Variants in ZNF469 observed in about 807,000 individuals in gnomAD.
The protein encoded by ZNF469 is zinc finger protein 469.
ZNF469 carries 1 observed loss-of-function variant against 1.0 expected under a neutral mutation model. The observed-to-expected ratio is 1.00, with a 90% CI of 0.35 to 4.73. The LOEUF (loss-of-function observed/expected upper bound fraction) is 4.73, where lower values mean the gene tolerates loss of function less well. Among genes scored for constraint, ZNF469 ranks in the 30% most tolerant of loss-of-function variants. The pLI is 0.16. For missense variants in ZNF469, 6,100 were observed against 5,356.3 expected, an observed-to-expected ratio of 1.14 and a Z score of -4.33; for synonymous variants, 2,703 against 2,363.4, an observed-to-expected ratio of 1.14 and a Z score of -4.17.
chr16:88,280,405 TAGTC>T, the ZNF469 span, among the ~76,000 whole-genome samples: 1 of 151,900 alleles, frequency 6.6e-6, no homozygotes, highest in Admixed American at 6.6e-5. Flanking sequence ...CACCAACGCT[TAGTC>T]AGTACCTTGC....
chr16:88,310,862 G>A, the ZNF469 span, among the ~76,000 whole-genome samples: 1 of 152,080 alleles, frequency 6.6e-6, no homozygotes, highest in Admixed American at 6.5e-5. Flanking sequence ...CGAGAAGATG[G>A]CATAGAGTTT....
chr16:88,397,440 G>A (rs1474525389), intron 1 of ZNF469, among the ~76,000 whole-genome samples: 2 of 151,810 alleles, frequency 1.3e-5, no homozygotes, highest in Non-Finnish European at 2.9e-5. Flanking sequence ...GACTGCTGAG[G>A]AAGGCTGGCT....
chr16:88,405,153 G>T (rs1904992167), intron 1 of ZNF469, among the ~76,000 whole-genome samples: 1 of 152,186 alleles, frequency 6.6e-6, no homozygotes, highest in Non-Finnish European at 1.5e-5. Context: ...AGGAACAGAT[G>T]TCCACACAGA....
the ZNF469 span, among the ~76,000 whole-genome samples, chr16:88,365,534 G>C: frequency 1.3e-5 from 2 of 152,186 alleles, no homozygotes; most frequent in African/African-American, 4.8e-5. Context: ...CCAGGGGCAG[G>C]GCTCTGCTGG....
At chr16:88,404,182 C>G (rs2062548) in intron 1 of ZNF469, among the ~76,000 whole-genome samples, 68,132 of 152,028 alleles carry the variant, frequency 0.45, 15,369 homozygotes, top group Non-Finnish European at 0.48. Context: ...CAGCCCCACA[C>G]CCCCGGCACC....
At chr16:88,299,210 G>C in the ZNF469 span, among the ~76,000 whole-genome samples, 1 of 149,906 alleles carries the variant, frequency 6.7e-6, no homozygotes, top group Admixed American at 6.6e-5. Flanking sequence ...AGGCAGCTTG[G>C]GGTGGGGAGG....
chr16:88,371,103 T>A, the ZNF469 span, among the ~76,000 whole-genome samples: 1 of 152,354 alleles, frequency 6.6e-6, no homozygotes, highest in African/African-American at 2.4e-5. Context: ...CTCCTCTGAA[T>A]CATGAGAAAT....
Position 88,433,904 on chromosome 16 carries a change from G to C in ZNF469, c.6434G>C (p.Gly2145Ala). Residue 2145 changes from glycine (G) to alanine (A), a missense_variant, in exon 3 of 3, where the codon GGG becomes GCG. Coordinates refer to ENST00000565624, the MANE Select transcript of ZNF469 (RefSeq NM_001367624.2). ...ACCTCGCCTTCCAGGGCCCAAGGTG[G>C]GCTGGGGGGGCAGCTGCCAGCATCT... ...PLTSPSRAQG[G>A]LGGQLPASPS... 4 of 1,549,252 alleles carry C rather than the reference G, an allele frequency of 2.6e-6. No homozygotes were observed. Among genetic ancestry groups the C allele is most frequent in the Non-Finnish European group, 2.6e-6 (3 of 1,146,236 alleles).
the ZNF469 span, among the ~76,000 whole-genome samples, chr16:88,173,823 A>G: frequency 2.0e-5 from 3 of 152,206 alleles, no homozygotes; most frequent in Non-Finnish European, 4.4e-5. Context: ...AACATTCAAT[A>G]AAAATTAAAA....
the ZNF469 span, among the ~76,000 whole-genome samples, chr16:88,374,638 A>G: frequency 6.6e-6 from 1 of 152,016 alleles, no homozygotes; most frequent in African/African-American, 2.4e-5. Context: ...TGTGATGGGT[A>G]GGATGTTGTT....
At chr16:88,249,423 CTTTTTCTTTTTTTTT>C in the ZNF469 span, among the ~76,000 whole-genome samples, 4 of 61,754 alleles carry the variant, frequency 6.5e-5, no homozygotes, top group South Asian at 1.5e-3. Flanking sequence ...CTTTCTTTTT[CTTTTTCTTTTTTTTT>C]TTTTTTTTTT....
chr16:88,334,293 G>A, the ZNF469 span, among the ~76,000 whole-genome samples: 1 of 152,182 alleles, frequency 6.6e-6, no homozygotes, highest in Non-Finnish European at 1.5e-5. Flanking sequence ...AAAAAATTCT[G>A]GGGATGGATG....
intron 1 of ZNF469, among the ~76,000 whole-genome samples, chr16:88,415,815 C>G (rs1413858062): frequency 6.6e-6 from 1 of 152,222 alleles, no homozygotes; most frequent in African/African-American, 2.4e-5. Flanking sequence ...CTCCCAAGCC[C>G]CGCATGATCA....
At chr16:88,367,273 G>A in the ZNF469 span, among the ~76,000 whole-genome samples, 2 of 152,196 alleles carry the variant, frequency 1.3e-5, no homozygotes, top group Non-Finnish European at 2.9e-5. Flanking sequence ...TCATCTCAAT[G>A]GTCATAGGCA....
intron 1 of ZNF469, among the ~76,000 whole-genome samples, chr16:88,403,328 T>C (rs1307995517): frequency 6.6e-6 from 1 of 152,276 alleles, no homozygotes; most frequent in African/African-American, 2.4e-5. Flanking sequence ...TTAATGGTTA[T>C]GTTAAAATCC....
At chr16:88,358,549 AG>A in the ZNF469 span, among the ~76,000 whole-genome samples, 1 of 152,008 alleles carries the variant, frequency 6.6e-6, no homozygotes, top group African/African-American at 2.4e-5. Context: ...CACCCAGGCC[AG>A]GCCCTGATGC....
At chr16:88,109,534 T>C in the ZNF469 span, among the ~76,000 whole-genome samples, 157 of 111,464 alleles carry the variant, frequency 1.4e-3, no homozygotes, top group Middle Eastern at 5.9e-3. Context: ...GTCTCCTCCC[T>C]GGGATCAGGA....
chr16:88,312,551 T>C, the ZNF469 span, among the ~76,000 whole-genome samples: 2 of 152,258 alleles, frequency 1.3e-5, no homozygotes, highest in Non-Finnish European at 2.9e-5. Flanking sequence ...TGGTCACATA[T>C]ACCCACCTCC....
At chr16:88,335,820 G>T in the ZNF469 span, among the ~76,000 whole-genome samples, 132 of 150,968 alleles carry the variant, frequency 8.7e-4, 2 homozygotes, top group Non-Finnish European at 2.7e-4. Context: ...ACACTGATGC[G>T]CCAATACCAC....
Sources: gnomAD v4.1 joint callset for allele counts (sites outside exome capture counted in the v4.1 genomes callset) on GRCh38, gnomAD v4.1.1 for gene constraint, MANE v1.5 for transcripts, NCBI Gene and HGNC (gene_info 2026-07-23, HGNC 2026-07-21) for gene names.